Variants in FADS1 observed in about 807,000 individuals in gnomAD.
The protein encoded by FADS1 is fatty acid desaturase 1.
Under a neutral mutation model 61.6 loss-of-function variants are expected in FADS1, and 17 were observed. The observed-to-expected ratio is 0.28, with a 90% confidence interval of 0.19 to 0.41. The LOEUF (loss-of-function observed/expected upper bound fraction) is 0.41, where lower values mean the gene tolerates loss of function less well. Among genes scored for constraint, FADS1 ranks in the 10% least tolerant of loss-of-function variants. The pLI is 1.00. For synonymous variants in FADS1, 238 were observed against 258.7 expected (o/e 0.92, Z 0.77); for missense variants, 387 against 650.9 (o/e 0.59, Z 4.41).
At chr11:61,805,061 G>A (rs543088196) in intron 6 of FADS1, 15 of 513,656 alleles carry the variant, frequency 2.9e-5, no homozygotes, top group Non-Finnish European at 4.8e-5. Context: ...CATGGGACTT[G>A]CTCTGCTCCC....
rs34397549 is a variant in FADS1 at position 61,801,882 on chromosome 11, AT to A, written c.*528del. On this transcript the variant is annotated 3_prime_UTR_variant, in exon 12 of 12. Transcript: ENST00000350997. ...CTGAGCTCACCTTTTATATGAGTGG[AT>A]TTTTTTTTTTTTTTTGAAATGGAGT... 0.019 allele frequency: 2,779 copies of A among 143,456 alleles called. 63 individuals carry two copies. The highest frequency in any genetic ancestry group is 0.061 in the African/African-American group (2,365 of 38,890). 8.9% of individuals were successfully genotyped at this position (143,456 alleles called of 1,614,324 possible). A position where few individuals can be genotyped will look rare whatever the true frequency, so the allele number is the denominator to read the frequency against.
intron 1 of FADS1, 85 bp from the exon 2 acceptor site, chr11:61,813,438 C>G (rs1332365977): frequency 2.6e-6 from 2 of 772,440 alleles, no homozygotes; most frequent in African/African-American, 3.5e-5. Flanking sequence ...ATCCTCCTGC[C>G]CGCCAGAAGG....
At position 61,815,970 on chromosome 11, in the gene FADS1, C is replaced by T. The variant is rs1283042246; in HGVS notation, c.375+585G>A. ...TCCCCGGCCAGCGCTGTCCCTTCCG[C>T]GTCCTCCAGTCTTCACACGACGCAG... On this transcript the variant is annotated intron_variant, in intron 1 of 11. Transcript: ENST00000350997. The surrounding 1 kb of genome is among the most constrained non-coding windows in gnomAD (Gnocchi z 6.4). The T allele has an allele frequency of 2.3e-6, 1 of 437,278 alleles. No individual in the cohort carries two copies. Among genetic ancestry groups the T allele is most frequent in the East Asian group, 4.5e-5 (1 of 22,246 alleles). 27.1% of individuals were successfully genotyped at this position (437,278 alleles called of 1,614,324 possible).
chr11:61,803,119 A>G lies in FADS1; in HGVS notation c.1249-8T>C. The G allele has an allele frequency of 6.2e-7, 1 of 1,613,624 alleles. No homozygotes were observed. The highest frequency in any genetic ancestry group is 8.5e-7 in the Non-Finnish European group (1 of 1,179,576). ...ATTGCATGTGGCCTGGAGCTGGCGG[A>G]AAAGGTCAGGGGAGAGCATGTTGAA... is the stretch of plus-strand genomic sequence containing the variant. On this transcript the variant is annotated splice_region_variant and splice_polypyrimidine_tract_variant and intron_variant, in intron 9 of 11. Coordinates refer to ENST00000350997, the MANE Select transcript of FADS1 (RefSeq NM_013402.7). The surrounding 1 kb of genome is among the most constrained non-coding windows in gnomAD (Gnocchi z 4.3).
intron 7 of FADS1, chr11:61,804,134 C>A: frequency 3.8e-6 from 1 of 263,988 alleles, no homozygotes; most frequent in Non-Finnish European, 7.3e-6. Flanking sequence ...GCACCATACT[C>A]TTCCCCTGAC....
At chr11:61,807,436 C>T (rs2066901678) in intron 5 of FADS1, among the ~76,000 whole-genome samples, 1 of 152,190 alleles carries the variant, frequency 6.6e-6, no homozygotes, top group South Asian at 2.1e-4. Context: ...GTTAAGTATT[C>T]CCTCTATATC....
rs1055922804 is a variant in FADS1 at position 61,814,266 on chromosome 11, G to A, written c.376-913C>T. 1.3e-5 allele frequency: 2 copies of A among 152,290 alleles called. 1 individual carries two copies. The highest frequency in any genetic ancestry group is 4.1e-4 in the South Asian group (2 of 4,838). 9.4% of individuals were successfully genotyped at this position (152,290 alleles called of 1,614,324 possible). ...CAGCTGCCTTTTGAGGGTGCTCCCAGGTGTCCACAGTTTAAGATCACCGAG... is the reference window on the plus strand; with the variant it reads ...CAGCTGCCTTTTGAGGGTGCTCCCAAGTGTCCACAGTTTAAGATCACCGAG... On this transcript the variant is annotated intron_variant, in intron 1 of 11. Transcript: ENST00000350997.
intron 1 of FADS1, chr11:61,814,460 C>A (rs1021076914): frequency 1.3e-5 from 2 of 152,334 alleles, no homozygotes; most frequent in Non-Finnish European, 2.9e-5. Context: ...GGGGCTGTGT[C>A]GGGCGTTGGT....
intron 7 of FADS1, chr11:61,804,085 A>G (rs1383912823): frequency 4.8e-6 from 2 of 419,252 alleles, no homozygotes; most frequent in Admixed American, 4.0e-5. Flanking sequence ...GGCTCAGTCC[A>G]TGCCAGTGCC....
chr11:61,814,533 T>TA (rs2066958556), intron 1 of FADS1: 1 of 152,178 alleles, frequency 6.6e-6, no homozygotes, highest in African/African-American at 2.4e-5. Flanking sequence ...CCCGCTGTTA[T>TA]AGCTCTTAAA....
Position 61,803,610 on chromosome 11 carries a change from A to G in FADS1, c.1151+60T>C. 1 of 1,462,386 alleles carries G rather than the reference A, an allele frequency of 6.8e-7. No homozygotes were observed. The highest frequency in any genetic ancestry group is 2.3e-5 in the East Asian group (1 of 44,148). 90.6% of individuals were successfully genotyped at this position (1,462,386 alleles called of 1,614,324 possible). On this transcript the variant is annotated intron_variant, in intron 8 of 11. Transcript: ENST00000350997. This position sits in a 1 kb window ranked among gnomAD's most constrained non-coding sequence, Gnocchi z 4.3. ...AAAGCCCCAGCACGGCCCCTAGACC[A>G]GACTGGTCACTCCCCAACATTTCCT...
At position 61,802,870 on chromosome 11, in the gene FADS1, G is replaced by A; in HGVS notation, c.1385C>T (p.Ser462Phe). The change falls in exon 11 of 12, where the codon TCC (serine) becomes TTC (phenylalanine). Residue 462 changes from serine (S) to phenylalanine (F), a missense_variant. Ser to Phe is a radical substitution (Grantham distance 155). Coordinates refer to ENST00000350997, the MANE Select transcript of FADS1 (RefSeq NM_013402.7). The surrounding 1 kb of genome is among the most constrained non-coding windows in gnomAD (Gnocchi z 4.2). ...CTCTATGCCATGCTTGGCACACAAG[G>A]ACTGCACCAGGGGAGCCACTTTGTG... ...NYHKVAPLVQ[S>F]LCAKHGIEYQ... 1.2e-6 allele frequency: 2 copies of A among 1,614,162 alleles called. No individual in the cohort carries two copies. Among genetic ancestry groups the A allele is most frequent in the Non-Finnish European group, 1.7e-6 (2 of 1,180,022 alleles).
At chr11:61,805,308 T>G (rs999778835) in intron 6 of FADS1, 1 of 154,860 alleles carries the variant, frequency 6.5e-6, no homozygotes, top group African/African-American at 2.4e-5. Flanking sequence ...GCTCACTTCC[T>G]TAAACTAGGG....
intron 6 of FADS1, chr11:61,806,348 C>CAAAAA: frequency 6.4e-6 from 1 of 155,918 alleles, no homozygotes; most frequent in African/African-American, 3.7e-5. Flanking sequence ...GACTCCGTCT[C>CAAAAA]AAAAAAAAAA....
intron 5 of FADS1, among the ~76,000 whole-genome samples, chr11:61,808,891 C>G (rs527935770): frequency 6.6e-5 from 10 of 152,314 alleles, no homozygotes; most frequent in African/African-American, 2.4e-4. Context: ...GTGATTATAC[C>G]TACCCTCTAT....
intron 2 of FADS1, among the ~76,000 whole-genome samples, 153 bp from the exon 3 acceptor site, chr11:61,812,821 G>A (rs2066941279): frequency 6.6e-6 from 1 of 152,198 alleles, no homozygotes; most frequent in Non-Finnish European, 1.5e-5. Flanking sequence ...AGGATGACAG[G>A]AGGAGGTGCC....
At position 61,800,322 on chromosome 11, in the gene FADS1, AGT is replaced by A. The variant is rs1218898631; in HGVS notation, c.*2087_*2088del. ...GATCCTCCTGCCTGGACCTCCCAAAAGTGTTGGGATTACAGGCATGAGCCACT... is the reference window on the plus strand; with the variant it reads ...GATCCTCCTGCCTGGACCTCCCAAAAGTTGGGATTACAGGCATGAGCCACT... On this transcript the variant is annotated 3_prime_UTR_variant, in exon 12 of 12. Transcript: ENST00000350997. 1 of 152,186 alleles carries A rather than the reference AGT, an allele frequency of 6.6e-6. No individual in the cohort carries two copies. The highest frequency in any genetic ancestry group is 1.5e-5 in the Non-Finnish European group (1 of 68,024). 9.4% of individuals were successfully genotyped at this position (152,186 alleles called of 1,614,324 possible).
chr11:61,816,666 G>A lies in FADS1; in HGVS notation c.264C>T (p.Cys88=). 6.3e-7 allele frequency: 1 copy of A among 1,595,974 alleles called. No homozygotes were observed. The highest frequency in any genetic ancestry group is 1.1e-5 in the South Asian group (1 of 88,434). ...TWDEVAQRSG[C]EERWLVIDRK... is the part of the protein sequence containing the mutation. ...GGTCGATCACTAGCCACCGCTCCTC[G>A]CACCCTGAGCGCTGGGCCACCTCGT... The change falls in exon 1 of 12, where the codon TGC becomes TGT. Residue 88 remains cysteine (C), a synonymous_variant. Transcript: ENST00000350997. This position sits in a 1 kb window ranked among gnomAD's most constrained non-coding sequence, Gnocchi z 7.0.
At chr11:61,804,444 A>G (rs2135934902) in intron 7 of FADS1, 1 of 468,418 alleles carries the variant, frequency 2.1e-6, no homozygotes, top group East Asian at 3.3e-5. Context: ...CCCTGGCATT[A>G]TGCCCAGTAC....
Sources: allele counts gnomAD v4.1 joint callset (sites outside exome capture counted in the v4.1 genomes callset), GRCh38; gene constraint gnomAD v4.1.1; non-coding constraint Gnocchi (gnomAD v3.1); transcripts MANE v1.5; gene names NCBI Gene and HGNC (gene_info 2026-07-23, HGNC 2026-07-21).